Variants in XIST observed in about 807,000 individuals in gnomAD.
The protein encoded by XIST is X inactive specific transcript (non-protein coding).
intron 1 of XIST, chrX:73,841,242 C>CTA (rs1161016130): frequency 7.9e-6 from 3 of 377,438 alleles, no homozygotes; most frequent in African/African-American, 5.1e-5. Flanking sequence ...CTATTTCTCT[C>CTA]TCTATATATA....
chrX:73,843,828 C>G (rs1922662914), exon 1 of XIST: 1 of 558,346 alleles, frequency 1.8e-6, no homozygotes, highest in Non-Finnish European at 3.2e-6. Flanking sequence ...ATTAACAGTC[C>G]AAAACAACAG....
exon 1 of XIST, chrX:73,847,412 T>G (rs781684777): frequency 3.9e-6 from 2 of 512,795 alleles, no homozygotes; most frequent in Non-Finnish European, 7.0e-6. Context: ...TACTTTTTTT[T>G]TTTTTTAATG....
At chrX:73,826,234 G>A (rs1447644908) in exon 6 of XIST, 1 of 557,429 alleles carries the variant, frequency 1.8e-6, no homozygotes, top group Non-Finnish European at 3.2e-6. Context: ...TTTCTCTAGA[G>A]AGCCTGGCAC....
At chrX:73,836,641 C>A (rs1240665209) in intron 2 of XIST, among the ~76,000 whole-genome samples, 1 of 111,710 alleles carries the variant, frequency 9.0e-6, no homozygotes, top group Admixed American at 9.6e-5. Context: ...CTCTTGTCAA[C>A]TGAAAAGGTC....
At chrX:73,829,423 G>A (rs1922333115) in intron 4 of XIST, 1 of 376,143 alleles carries the variant, frequency 2.7e-6, no homozygotes. Context: ...GCATAAATGG[G>A]AAAATGTCTT....
chrX:73,836,296 C>A (rs1201431190), intron 2 of XIST, among the ~76,000 whole-genome samples: 1 of 112,172 alleles, frequency 8.9e-6, no homozygotes, highest in Non-Finnish European at 1.9e-5. Flanking sequence ...TTTTACGTTT[C>A]AAAACTGGCA....
chrX:73,847,559 T>C (rs1922806934), exon 1 of XIST: 1 of 514,414 alleles, frequency 1.9e-6, no homozygotes, highest in Non-Finnish European at 3.5e-6. Flanking sequence ...AGAAAGACTT[T>C]AGGAAATCAG....
chrX:73,847,274 T>A (rs769287204), exon 1 of XIST: 11 of 553,484 alleles, frequency 2.0e-5, no homozygotes, highest in Non-Finnish European at 3.6e-5. Flanking sequence ...TACTCTAACA[T>A]AGGGGCACAT....
exon 1 of XIST, chrX:73,849,053 A>T: frequency 1.8e-6 from 1 of 559,229 alleles, no homozygotes; most frequent in Non-Finnish European, 3.2e-6. Context: ...TAACTAACAG[A>T]ACTATGGATA....
chrX:73,828,022 G>A (rs1922303225), intron 5 of XIST: 1 of 478,870 alleles, frequency 2.1e-6, no homozygotes, highest in Non-Finnish European at 3.7e-6. Context: ...GACATTCAGA[G>A]GAAGTAAGTA....
Position 73,852,129 on chromosome X carries a change from G to A in XIST, n.595C>T, listed in dbSNP as rs771097980. The A allele has an allele frequency of 7.7e-6, 4 of 521,531 alleles. No individual in the cohort carries two copies. The African/African-American group carries it at 9.8e-5, about 13-fold the overall frequency. 43.0% of individuals were successfully genotyped at this position (521,531 alleles called of 1,213,427 possible). A position where few individuals can be genotyped will look rare whatever the true frequency, so the allele number is the denominator to read the frequency against. ...ATAAAAAAAAAAAAAGCAGGTATCCGAAGCCCCGATGGGCCAAAAAAAGAA... is the reference window on the plus strand; with the variant it reads ...ATAAAAAAAAAAAAAGCAGGTATCCAAAGCCCCGATGGGCCAAAAAAAGAA... On this transcript the variant is annotated non_coding_transcript_exon_variant, in exon 1 of 6. Transcript: ENST00000429829.
At position 73,831,518 on chromosome X, in the gene XIST, G is replaced by C. The variant is rs760347582; in HGVS notation, n.11544-244C>G. On this transcript the variant is annotated intron_variant and non_coding_transcript_variant, in intron 3 of 5. Coordinates refer to ENST00000429829, the Ensembl canonical transcript of XIST. The stretch of plus-strand genomic sequence containing the variant: ...TTCCCTCATTTCCAAGAGAAATTTA[G>C]AACTGAGTAATTGCCAATATTCCCA... 2.2e-4 allele frequency: 57 copies of C among 261,328 alleles called. No individual in the cohort carries two copies. In the East Asian group the frequency reaches 3.5e-3, roughly 16 times the overall value. 21.5% of individuals were successfully genotyped at this position (261,328 alleles called of 1,213,427 possible). A position where few individuals can be genotyped will look rare whatever the true frequency, so the allele number is the denominator to read the frequency against.
chrX:73,841,563 T>C, exon 1 of XIST: 2 of 558,759 alleles, frequency 3.6e-6, no homozygotes, highest in Non-Finnish European at 3.2e-6. Context: ...CCATATTACA[T>C]AATCCTGTGC....
At chrX:73,842,191 T>C in exon 1 of XIST, 4 of 512,340 alleles carry the variant, frequency 7.8e-6, no homozygotes, top group South Asian at 2.5e-5. Flanking sequence ...TTAATAATAA[T>C]AAGCAATTTT....
chrX:73,849,542 G>C (rs751231794), exon 1 of XIST: 4 of 556,465 alleles, frequency 7.2e-6, no homozygotes, highest in Non-Finnish European at 1.3e-5. Flanking sequence ...AAAATGATAA[G>C]TAACTCAAAT....
chrX:73,845,872 T>C (rs1922743635), exon 1 of XIST: 2 of 545,753 alleles, frequency 3.7e-6, no homozygotes, highest in Admixed American at 2.3e-5. Context: ...CCCAGACAAA[T>C]ATAATCACGC....
chrX:73,826,137 T>C, exon 6 of XIST: 1 of 559,231 alleles, frequency 1.8e-6, no homozygotes, highest in East Asian at 3.2e-5. Context: ...AAGGAAGCTG[T>C]TGCTGGCAGG....
intron 5 of XIST, chrX:73,828,632 A>T (rs1922316329): frequency 8.8e-6 from 1 of 113,127 alleles, no homozygotes; most frequent in African/African-American, 3.2e-5. Flanking sequence ...TCTTTAGAAA[A>T]CTGACTTCAT....
exon 1 of XIST, chrX:73,850,139 A>G (rs750851388): frequency 5.4e-6 from 3 of 558,457 alleles, no homozygotes; most frequent in Non-Finnish European, 9.7e-6. Context: ...ACTCTTTTTT[A>G]CATTAGGTCA....
Sources: allele counts gnomAD v4.1 joint callset (sites outside exome capture counted in the v4.1 genomes callset), GRCh38; gene constraint gnomAD v4.1.1; transcripts MANE v1.5; gene names NCBI Gene and HGNC (gene_info 2026-07-23, HGNC 2026-07-21).